The following CALN1 variants were observed in gnomAD, a reference collection of about 807,000 sequenced individuals.
CALN1 encodes calneuron 1.
In CALN1, 17 loss-of-function variants were observed where a neutral mutation model predicts 30.6. The observed-to-expected ratio is 0.56, with a 90% CI of 0.38 to 0.83. The LOEUF is 0.83. Ranked by LOEUF, CALN1 falls within the 40% of genes least tolerant of loss-of-function variation. The pLI, the probability that CALN1 is intolerant of heterozygous loss-of-function variation, is 0.00. For missense variants in CALN1, 291 were observed against 354.9 expected (o/e 0.82, Z 1.45); for synonymous variants, 156 against 131.4 (o/e 1.19, Z -1.28).
At chr7:72,203,675 T>C (rs966782503) in intron 3 of CALN1, among the ~76,000 whole-genome samples, 16 of 152,226 alleles carry the variant, frequency 1.1e-4, no homozygotes, top group African/African-American at 3.9e-4. Flanking sequence ...GGCTAAATTA[T>C]GTACACTGCT....
chr7:72,089,554 C>T (rs1805712280), intron 4 of CALN1, among the ~76,000 whole-genome samples: 1 of 152,024 alleles, frequency 6.6e-6, no homozygotes, highest in African/African-American at 2.4e-5. Context: ...AACAAAATCA[C>T]AGAAAAAGGT....
At chr7:72,463,441 C>A in the CALN1 span, among the ~76,000 whole-genome samples, 1 of 152,166 alleles carries the variant, frequency 6.6e-6, no homozygotes, top group South Asian at 2.1e-4. Context: ...CCACACATGG[C>A]CTGGTTTGCA....
intron 2 of CALN1, among the ~76,000 whole-genome samples, chr7:72,279,616 C>T (rs1292718483): frequency 6.6e-6 from 1 of 152,142 alleles, no homozygotes; most frequent in Admixed American, 6.5e-5. Context: ...TGACTGGAGG[C>T]TCCAGGCTAC....
At chr7:72,016,051 C>A (rs1301812483) in intron 5 of CALN1, among the ~76,000 whole-genome samples, 1 of 152,016 alleles carries the variant, frequency 6.6e-6, no homozygotes, top group East Asian at 1.9e-4. Flanking sequence ...GAGTTCCAGA[C>A]CAGCCTGGCC....
intron 3 of CALN1, among the ~76,000 whole-genome samples, chr7:72,268,826 C>CACACACACACACAG (rs1346813505): frequency 1.3e-5 from 2 of 151,572 alleles, no homozygotes; most frequent in African/African-American, 2.4e-5. Flanking sequence ...CACACACACA[C>CACACACACACACAG]AGAACTAATT....
intron 3 of CALN1, among the ~76,000 whole-genome samples, chr7:72,260,742 A>G (rs1224410191): frequency 4.6e-5 from 7 of 152,072 alleles, no homozygotes; most frequent in Non-Finnish European, 8.8e-5. Context: ...AGAAACACTA[A>G]GTTCTCAGAT....
chr7:72,302,925 A>C (rs1422984027), intron 2 of CALN1, among the ~76,000 whole-genome samples: 1 of 149,270 alleles, frequency 6.7e-6, no homozygotes, highest in Non-Finnish European at 1.5e-5. Flanking sequence ...AAACGAAAAG[A>C]ATCCGGGCCT....
At chr7:72,083,133 G>A (rs1042071952) in intron 4 of CALN1, among the ~76,000 whole-genome samples, 3 of 151,766 alleles carry the variant, frequency 2.0e-5, no homozygotes, top group African/African-American at 4.8e-5. Flanking sequence ...CCTGGGAGGC[G>A]GAGGATGCAG....
chr7:72,314,879 G>A (rs1222882392), intron 2 of CALN1, among the ~76,000 whole-genome samples: 3 of 150,580 alleles, frequency 2.0e-5, no homozygotes, highest in South Asian at 4.2e-4. Context: ...TGGGCACAGT[G>A]GCTCACACCT....
chr7:72,256,829 C>T (rs571421206), intron 3 of CALN1, among the ~76,000 whole-genome samples: 1 of 152,218 alleles, frequency 6.6e-6, no homozygotes, highest in Admixed American at 6.5e-5. Context: ...TTCATTATTG[C>T]CCTATTCCCT....
the CALN1 span, among the ~76,000 whole-genome samples, chr7:72,456,963 A>T: frequency 6.6e-6 from 1 of 150,536 alleles, no homozygotes; most frequent in Non-Finnish European, 1.5e-5. Flanking sequence ...TATACAATTG[A>T]TGCATAATTG....
intron 2 of CALN1, among the ~76,000 whole-genome samples, chr7:72,300,312 T>A (rs1799164734): frequency 6.6e-6 from 1 of 152,148 alleles, no homozygotes; most frequent in Non-Finnish European, 1.5e-5. Context: ...GTTCTGGCCC[T>A]TTGACCCTGT....
chr7:71,929,969 C>A (rs1795463174), intron 5 of CALN1, among the ~76,000 whole-genome samples: 1 of 152,158 alleles, frequency 6.6e-6, no homozygotes. Context: ...GCTCAAGCAT[C>A]TTATATAAAA....
At chr7:72,468,679 A>G in the CALN1 span, among the ~76,000 whole-genome samples, 1 of 152,040 alleles carries the variant, frequency 6.6e-6, no homozygotes, top group Non-Finnish European at 1.5e-5. Flanking sequence ...TTCCACTCCC[A>G]CCTGCAATGT....
intron 3 of CALN1, among the ~76,000 whole-genome samples, chr7:72,147,627 T>G (rs1303990467): frequency 6.6e-6 from 1 of 152,076 alleles, no homozygotes; most frequent in African/African-American, 2.4e-5. Context: ...TAAATCATGC[T>G]ACTATAAAGA....
chr7:72,108,704 T>C lies in CALN1; in HGVS notation c.245-2410A>G, dbSNP rs1807349034. Among the ~76,000 whole-genome samples the C allele has an allele frequency of 2.0e-5, 3 of 152,202 alleles. No homozygotes were observed. The South Asian group carries it at 6.2e-4, about 31-fold the overall frequency. On this transcript the variant is annotated intron_variant, in intron 3 of 6. Transcript: ENST00000395275. ...CCCTATGATATATAAGTCCTGGGTC[T>C]GGTAGGTGATGGCTGGGGGCATCCA...
intron 5 of CALN1, among the ~76,000 whole-genome samples, chr7:71,971,953 A>AAAAAAAAGAAAGAAAG (rs1797839188): frequency 1.9e-4 from 14 of 72,812 alleles, no homozygotes; most frequent in South Asian, 7.2e-4. Flanking sequence ...AAAAAAAAAA[A>AAAAAAAAGAAAGAAAG]AAAGAAAGAA....
intron 3 of CALN1, among the ~76,000 whole-genome samples, chr7:72,170,315 T>C (rs1788848963): frequency 6.6e-6 from 1 of 152,140 alleles, no homozygotes; most frequent in African/African-American, 2.4e-5. Context: ...CATTTAGTTC[T>C]ACTCTCTTGT....
intron 3 of CALN1, among the ~76,000 whole-genome samples, chr7:72,214,014 C>A (rs1162464181): frequency 6.6e-6 from 1 of 152,100 alleles, no homozygotes; most frequent in Non-Finnish European, 1.5e-5. Context: ...AACAAGACAG[C>A]CACAGGAGGA....
Sources: gnomAD v4.1 joint callset for allele counts (sites outside exome capture counted in the v4.1 genomes callset) on GRCh38, gnomAD v4.1.1 for gene constraint, MANE v1.5 for transcripts, NCBI Gene and HGNC (gene_info 2026-07-23, HGNC 2026-07-21) for gene names.